Variants in PDLIM3 observed in about 807,000 individuals in gnomAD.
The protein encoded by PDLIM3 is PDZ and LIM domain 3.
PDLIM3 carries 36 observed loss-of-function variants against 37.3 expected under a neutral mutation model. That is an observed-to-expected ratio of 0.97 (90% CI 0.74 to 1.28). The LOEUF (loss-of-function observed/expected upper bound fraction) is 1.28, where lower values mean the gene tolerates loss of function less well. Ranked by LOEUF, PDLIM3 falls within the 50% of genes most tolerant of loss-of-function variation. The probability of loss-of-function intolerance (pLI) is 0.00; values close to 1 mark genes in which losing one functional copy is unlikely to be tolerated. For synonymous variants in PDLIM3, 174 were observed against 182.4 expected (o/e 0.95, Z 0.37); for missense variants, 454 against 485.0 (o/e 0.94, Z 0.60).
At chr4:185,528,308 T>C (rs1429841261) in intron 1 of PDLIM3, among the ~76,000 whole-genome samples, 2 of 152,228 alleles carry the variant, frequency 1.3e-5, no homozygotes, top group African/African-American at 4.8e-5. Context: ...ATCTGAACAA[T>C]AGCTTTTCAT....
At chr4:185,525,793 C>T (rs2095733033) in intron 1 of PDLIM3, among the ~76,000 whole-genome samples, 1 of 152,108 alleles carries the variant, frequency 6.6e-6, no homozygotes, top group South Asian at 2.1e-4. Context: ...CTCTTGCCTC[C>T]AATAAGGAGG....
At chr4:185,505,035 G>C (rs928478569) in intron 6 of PDLIM3, among the ~76,000 whole-genome samples, 1 of 151,954 alleles carries the variant, frequency 6.6e-6, no homozygotes, top group Non-Finnish European at 1.5e-5. Context: ...GTAACTCCCC[G>C]TGCTCCTGCT....
intron 1 of PDLIM3, among the ~76,000 whole-genome samples, chr4:185,527,300 C>G (rs545365683): frequency 6.6e-6 from 1 of 152,206 alleles, no homozygotes; most frequent in South Asian, 2.1e-4. Context: ...ATTTAGGGAT[C>G]AGTAATTCAT....
rs759984580 is a variant in PDLIM3 at position 185,514,928 on chromosome 4, C to A, written c.331-591G>T. ...AGACAAAATACACAGCCACACAGCGCACAAGAAAGCCATTAGTGAGCGAAA... is the reference window on the plus strand; with the variant it reads ...AGACAAAATACACAGCCACACAGCGAACAAGAAAGCCATTAGTGAGCGAAA... On this transcript the variant is annotated intron_variant, in intron 3 of 7. Transcript: ENST00000284767. This position sits in a 1 kb window ranked among gnomAD's most constrained non-coding sequence, Gnocchi z 4.0. The A allele has an allele frequency of 6.6e-6, 10 of 1,504,828 alleles. No homozygotes were observed. The highest frequency in any genetic ancestry group is 9.0e-6 in the Non-Finnish European group (10 of 1,117,300). 93.2% of individuals were successfully genotyped at this position (1,504,828 alleles called of 1,614,324 possible). A position where few individuals can be genotyped will look rare whatever the true frequency, so the allele number is the denominator to read the frequency against.
At chr4:185,533,721 TACTGCTTTAAAATAA>T (rs2095748639) in intron 1 of PDLIM3, among the ~76,000 whole-genome samples, 1 of 152,212 alleles carries the variant, frequency 6.6e-6, no homozygotes, top group Non-Finnish European at 1.5e-5. Flanking sequence ...GGAATGTAAG[TACTGCTTTAAAATAA>T]ACATTTATAA....
chr4:185,514,083 A>C lies in PDLIM3; in HGVS notation c.398+187T>G. The C allele has an allele frequency of 6.7e-7, 1 of 1,487,898 alleles. No homozygotes were observed. Among genetic ancestry groups the C allele is most frequent in the Non-Finnish European group, 8.9e-7 (1 of 1,123,484 alleles). The allele number at this position is 1,487,898 out of a possible 1,614,324, so 92.2% of individuals were successfully genotyped here. The stretch of plus-strand genomic sequence containing the variant: ...CAGCTCTGTCATCTTGTCAATATTT[A>C]CTCTTGGAAATGCAAGTTATTTGGC... On this transcript the variant is annotated intron_variant, in intron 4 of 7. Coordinates refer to ENST00000284767, the MANE Select transcript of PDLIM3 (RefSeq NM_014476.6). This position sits in a 1 kb window ranked among gnomAD's most constrained non-coding sequence, Gnocchi z 4.0.
Position 185,533,157 on chromosome 4 carries a change from C to T in PDLIM3, c.93+2185G>A, listed in dbSNP as rs531833683. Among the ~76,000 whole-genome samples the T allele has an allele frequency of 1.1e-4, 16 of 152,188 alleles. No individual in the cohort carries two copies. In the East Asian group the frequency reaches 2.3e-3, roughly 22 times the overall value. ...GATTATTGTGAGATTTCAGTGAGTT[C>T]GTGCACATAAAAGGTTCCCATCAAT... On this transcript the variant is annotated intron_variant, in intron 1 of 7. Transcript: ENST00000284767.
chr4:185,534,672 T>A (rs1484100221), intron 1 of PDLIM3, among the ~76,000 whole-genome samples: 1 of 152,246 alleles, frequency 6.6e-6, no homozygotes, highest in East Asian at 1.9e-4. Flanking sequence ...AACTAAACTG[T>A]CTGCCACGTT....
chr4:185,525,792 C>T (rs2095733024), intron 1 of PDLIM3, among the ~76,000 whole-genome samples: 1 of 152,104 alleles, frequency 6.6e-6, no homozygotes, highest in Admixed American at 6.6e-5. Flanking sequence ...TCTCTTGCCT[C>T]CAATAAGGAG....
intron 2 of PDLIM3, 29 bp from the exon 3 acceptor site, chr4:185,523,475 C>T: frequency 7.3e-7 from 1 of 1,367,154 alleles, no homozygotes; most frequent in South Asian, 1.2e-5. Context: ...TTGTAAACTT[C>T]AAATTCTAAT....
At position 185,514,324 on chromosome 4, in the gene PDLIM3, A is replaced by C. The variant is rs1259450618; in HGVS notation, c.344T>G (p.Phe115Cys). 1.2e-6 allele frequency: 2 copies of C among 1,614,084 alleles called. No individual in the cohort carries two copies. The highest frequency in any genetic ancestry group is 3.3e-5 in the Admixed American group (2 of 60,000). ...GGGCCGAATATTATGCTTGTGTTCAAAGTAGTTCCCGTCCTGTGAAAACAA... is the reference window on the plus strand; with the variant it reads ...GGGCCGAATATTATGCTTGTGTTCACAGTAGTTCCCGTCCTGTGAAAACAA... ...LESEPQDGNY[F>C]EHKHNIRPKP... The change falls in exon 4 of 8, where the codon TTT becomes TGT. Residue 115 changes from phenylalanine to cysteine, a missense_variant. Coordinates refer to ENST00000284767, the MANE Select transcript of PDLIM3 (RefSeq NM_014476.6). The surrounding 1 kb of genome is among the most constrained non-coding windows in gnomAD (Gnocchi z 4.0).
chr4:185,512,996 A>T, intron 4 of PDLIM3: 1 of 985,322 alleles, frequency 1.0e-6, no homozygotes, highest in Non-Finnish European at 1.2e-6. Flanking sequence ...TTGCTTGGGA[A>T]ATGTTGTGCA....
At chr4:185,533,122 C>A (rs1431654227) in intron 1 of PDLIM3, among the ~76,000 whole-genome samples, 1 of 152,088 alleles carries the variant, frequency 6.6e-6, no homozygotes, top group Non-Finnish European at 1.5e-5. Context: ...ACTACTGCTA[C>A]TCTCCTAAAG....
In PDLIM3 at chr4:185,514,314, C is replaced by T. The variant is rs1295481759; in HGVS notation, c.354G>A (p.Lys118=). 1 of 1,614,210 alleles carries T rather than the reference C, an allele frequency of 6.2e-7. No individual in the cohort carries two copies. The highest frequency in any genetic ancestry group is 1.1e-5 in the South Asian group (1 of 91,088). ...EPQDGNYFEH[K]HNIRPKPFVI... ...CGAAAGGTTTGGGCCGAATATTATG[C>T]TTGTGTTCAAAGTAGTTCCCGTCCT... The change falls in exon 4 of 8, where the codon AAG becomes AAA. Residue 118 remains lysine (K), a synonymous_variant. Coordinates refer to ENST00000284767, the MANE Select transcript of PDLIM3 (RefSeq NM_014476.6). This position sits in a 1 kb window ranked among gnomAD's most constrained non-coding sequence, Gnocchi z 4.0.
rs1389518080 is a variant in PDLIM3, at chr4:185,501,177, C to G, written c.*1117G>C. The G allele has an allele frequency of 1.3e-5, 2 of 152,300 alleles. No individual in the cohort carries two copies. Among genetic ancestry groups the G allele is most frequent in the East Asian group, 1.9e-4 (1 of 5,194 alleles). 9.4% of individuals were successfully genotyped at this position (152,300 alleles called of 1,614,324 possible). ...CCAGGGCCAGGCAGAGTGCATGTCT[C>G]AGACAGAGGATCCATGACTCCAGGA... On this transcript the variant is annotated 3_prime_UTR_variant, in exon 8 of 8. Transcript: ENST00000284767.
chr4:185,524,859 T>C (rs978045847), intron 2 of PDLIM3, among the ~76,000 whole-genome samples, 161 bp downstream of exon 2: 7 of 152,236 alleles, frequency 4.6e-5, no homozygotes, highest in Non-Finnish European at 1.5e-5. Context: ...AACTGCTAGA[T>C]TGACTGACTT....
chr4:185,510,076 C>A lies in PDLIM3; in HGVS notation c.399-1514G>T, dbSNP rs546553912. ...GATCACATACCAAAATATCAAGTGGCCTATTCACCATTTTTGTACGATCTA... is the reference window on the plus strand; with the variant it reads ...GATCACATACCAAAATATCAAGTGGACTATTCACCATTTTTGTACGATCTA... On this transcript the variant is annotated intron_variant, in intron 4 of 7. Coordinates refer to ENST00000284767, the MANE Select transcript of PDLIM3 (RefSeq NM_014476.6). Among the ~76,000 whole-genome samples, 5 of 152,242 alleles carry A rather than the reference C, an allele frequency of 3.3e-5. No individual in the cohort carries two copies. In the East Asian group the frequency reaches 9.6e-4, roughly 29 times the overall value.
chr4:185,512,430 T>A (rs1258282637), intron 4 of PDLIM3: 1 of 152,732 alleles, frequency 6.5e-6, no homozygotes, highest in Non-Finnish European at 1.5e-5. Flanking sequence ...TAAGCAAACC[T>A]TCTCATTTCT....
In PDLIM3 at chr4:185,514,033, C is replaced by G. The variant is rs2095710781; in HGVS notation, c.398+237G>C. ...GCCTCAGGGGTGTTCGCTATAAATA[C>G]ACGTGGTGATTGCATACAATTTCAC... On this transcript the variant is annotated intron_variant, in intron 4 of 7. Transcript: ENST00000284767. The surrounding 1 kb of genome is among the most constrained non-coding windows in gnomAD (Gnocchi z 4.0). 2.1e-6 allele frequency: 3 copies of G among 1,403,760 alleles called. No homozygotes were observed. The South Asian group carries it at 4.4e-5, about 21-fold the overall frequency. 87.0% of individuals were successfully genotyped at this position (1,403,760 alleles called of 1,614,324 possible).
Sources: allele counts gnomAD v4.1 joint callset (sites outside exome capture counted in the v4.1 genomes callset), GRCh38; gene constraint gnomAD v4.1.1; non-coding constraint Gnocchi (gnomAD v3.1); transcripts MANE v1.5; gene names NCBI Gene and HGNC (gene_info 2026-07-23, HGNC 2026-07-21).